Variants in KIF13B observed in about 807,000 individuals in gnomAD.
KIF13B encodes kinesin family member 13B, also known as kinesin-like protein KIF13B.
A neutral mutation model predicts 222.0 loss-of-function variants in KIF13B; 127 were observed. The ratio of observed to expected loss-of-function variants is 0.57; its 90% CI spans 0.50 to 0.66. KIF13B has a LOEUF of 0.66. Ranked by LOEUF, KIF13B falls within the 30% of genes least tolerant of loss-of-function variation. KIF13B has a pLI of 0.00. For missense variants in KIF13B, 2,173 were observed against 2,379.0 expected (o/e 0.91, Z 1.80); for synonymous variants, 976 against 919.0 (o/e 1.06, Z -1.12).
intron 2 of KIF13B, among the ~76,000 whole-genome samples, chr8:29,200,917 A>G (rs189371359): frequency 4.6e-5 from 7 of 152,286 alleles, no homozygotes; most frequent in Middle Eastern, 6.8e-3. Flanking sequence ...TTCTACCAAG[A>G]GTCATATGAG....
rs767617123 is a variant in KIF13B at position 29,110,098 on chromosome 8, A to G, written c.3931-28T>C. ...GAGCAGTGGAAAGTTATACATTATA[A>G]AAGCTTCTTGATGTACACACACACA... On this transcript the variant is annotated intron_variant, in intron 32 of 39. Coordinates refer to ENST00000524189, the MANE Select transcript of KIF13B (RefSeq NM_015254.4). The G allele has an allele frequency of 3.2e-6, 5 of 1,548,084 alleles. No homozygotes were observed. In the African/African-American group the frequency reaches 6.9e-5, roughly 21 times the overall value.
At chr8:29,074,762 T>C (rs186670059) in intron 38 of KIF13B, among the ~76,000 whole-genome samples, 67 of 152,374 alleles carry the variant, frequency 4.4e-4, no homozygotes, top group South Asian at 8.3e-4. Context: ...CCTCTGTTGC[T>C]GTTGTTTTAA....
At chr8:29,216,628 T>C (rs1395825990) in intron 2 of KIF13B, among the ~76,000 whole-genome samples, 2 of 150,386 alleles carry the variant, frequency 1.3e-5, no homozygotes, top group Non-Finnish European at 3.0e-5. Context: ...AAAAAAAAAA[T>C]ACAACTATGT....
At position 29,068,483 on chromosome 8, in the gene KIF13B, G is replaced by A. The variant is rs1807100336; in HGVS notation, c.*2021C>T. 1 of 152,060 alleles carries A rather than the reference G, an allele frequency of 6.6e-6. No individual in the cohort carries two copies. The highest frequency in any genetic ancestry group is 1.5e-5 in the Non-Finnish European group (1 of 68,104). 9.4% of individuals were successfully genotyped at this position (152,060 alleles called of 1,614,324 possible). On this transcript the variant is annotated 3_prime_UTR_variant, in exon 40 of 40. Coordinates refer to ENST00000524189, the MANE Select transcript of KIF13B (RefSeq NM_015254.4). This position sits in a 1 kb window ranked among gnomAD's most constrained non-coding sequence, Gnocchi z 4.4. ...GCCCAAATCCACCTGCTCAAGTCAG[G>A]AACTCTGGCTCGTTCTACTCCACTG... is the stretch of plus-strand genomic sequence containing the variant.
At chr8:29,195,454 C>CA (rs1028214965) in intron 3 of KIF13B, among the ~76,000 whole-genome samples, 1 of 152,092 alleles carries the variant, frequency 6.6e-6, no homozygotes, top group African/African-American at 2.4e-5. Context: ...CTTAAAAAGT[C>CA]AGAGTCCCAA....
chr8:29,104,378 C>T (rs1365612925), intron 35 of KIF13B, among the ~76,000 whole-genome samples: 1 of 152,164 alleles, frequency 6.6e-6, no homozygotes, highest in African/African-American at 2.4e-5. Context: ...CTGCAGGATT[C>T]TAGAGTACCC....
intron 2 of KIF13B, among the ~76,000 whole-genome samples, chr8:29,204,490 T>C (rs558225424): frequency 2.0e-4 from 31 of 152,324 alleles, no homozygotes; most frequent in African/African-American, 6.5e-4. Context: ...GGTGGGAGGA[T>C]TGCTTGAGTC....
Position 29,147,846 on chromosome 8 carries a change from A to AG in KIF13B, c.1814-245dup, listed in dbSNP as rs1226342374. On this transcript the variant is annotated intron_variant, in intron 16 of 39. Transcript: ENST00000524189. ...TATTATATGTTCTACACATAACCTA[A>AG]GACATGGCGAATCCTCCAGAAATAC... 2.6e-5 allele frequency among the ~76,000 whole-genome samples: 4 copies of AG among 152,212 alleles called. No individual in the cohort carries two copies. In the East Asian group the frequency reaches 7.7e-4, roughly 29 times the overall value.
At chr8:29,262,349 CA>C (rs1816708685) in intron 1 of KIF13B, among the ~76,000 whole-genome samples, 1 of 152,242 alleles carries the variant, frequency 6.6e-6, no homozygotes, top group South Asian at 2.1e-4. Context: ...AGACTTCAGG[CA>C]AAACCAAAAC....
chr8:29,176,134 C>T lies in KIF13B; in HGVS notation c.879G>A (p.Gln293=). The T allele has an allele frequency of 6.2e-7, 1 of 1,613,784 alleles. No individual in the cohort carries two copies. Among genetic ancestry groups the T allele is most frequent in the South Asian group, 1.1e-5 (1 of 91,050 alleles). Residue 293 remains glutamine, a synonymous_variant, in exon 10 of 40, where the codon CAG becomes CAA. Transcript: ENST00000524189. ...ATTTATTCTTGTTTTTGCCAGCACT[C>T]TGATCTGCAAGAGCTGAGATAACCA... The part of the protein sequence containing the change: ...LGLVISALAD[Q]SAGKNKNKFV...
At chr8:29,206,889 G>A (rs1813968606) in intron 2 of KIF13B, among the ~76,000 whole-genome samples, 1 of 152,196 alleles carries the variant, frequency 6.6e-6, no homozygotes, top group Non-Finnish European at 1.5e-5. Context: ...TGGTGGTCAA[G>A]AGAAGCCTTG....
chr8:29,132,474 C>T lies in KIF13B; in HGVS notation c.2785-9G>A. On this transcript the variant is annotated splice_polypyrimidine_tract_variant and intron_variant, in intron 22 of 39. Coordinates refer to ENST00000524189, the MANE Select transcript of KIF13B (RefSeq NM_015254.4). ...ATGTTAACAGAAAACTCCTGAAACACAACAGCTAATTACAGAAGAGCAAAC... is the reference window on the plus strand; with the variant it reads ...ATGTTAACAGAAAACTCCTGAAACATAACAGCTAATTACAGAAGAGCAAAC... 1 of 1,472,632 alleles carries T rather than the reference C, an allele frequency of 6.8e-7. No homozygotes were observed. The highest frequency in any genetic ancestry group is 1.4e-5 in the African/African-American group (1 of 69,672). The allele number at this position is 1,472,632 out of a possible 1,614,324, so 91.2% of individuals were successfully genotyped here.
intron 24 of KIF13B, among the ~76,000 whole-genome samples, 161 bp downstream of exon 24, chr8:29,130,372 T>A (rs988576556): frequency 5.9e-5 from 9 of 151,956 alleles, no homozygotes; most frequent in Admixed American, 2.6e-4. Context: ...GAAAAAAAAA[T>A]TTAATAGCAA....
chr8:29,176,186 G>A lies in KIF13B; in HGVS notation c.834-7C>T, dbSNP rs763859797. On this transcript the variant is annotated splice_polypyrimidine_tract_variant and splice_region_variant and intron_variant, in intron 9 of 39. Coordinates refer to ENST00000524189, the MANE Select transcript of KIF13B (RefSeq NM_015254.4). ...ACCGAGGGTTGTGAGGGACCTGCAT[G>A]GTGCAACAAACCAAAATAATTACAA... 1.4e-5 allele frequency: 21 copies of A among 1,546,680 alleles called. 1 individual carries two copies. In the South Asian group the frequency reaches 2.2e-4, roughly 16 times the overall value.
chr8:29,116,139 C>T (rs1239573435), intron 31 of KIF13B, among the ~76,000 whole-genome samples: 2 of 152,228 alleles, frequency 1.3e-5, no homozygotes, highest in African/African-American at 4.8e-5. Flanking sequence ...TCAAGTAATC[C>T]TGCTGCCTCA....
rs1340442125 is a variant in KIF13B, at chr8:29,130,678, C to A, written c.2943-13G>T. 6.2e-7 allele frequency: 1 copy of A among 1,613,400 alleles called. No individual in the cohort carries two copies. The highest frequency in any genetic ancestry group is 1.3e-5 in the African/African-American group (1 of 75,000). On this transcript the variant is annotated splice_polypyrimidine_tract_variant and intron_variant, in intron 23 of 39. Coordinates refer to ENST00000524189, the MANE Select transcript of KIF13B (RefSeq NM_015254.4). ...CACTTCACTCCATCTAGGAAATAAG[C>A]GAAGTTCTTGGAAAATCATACATTT... is the stretch of plus-strand genomic sequence containing the variant.
In KIF13B at chr8:29,071,809, C is replaced by T. The variant is rs1214927565; in HGVS notation, c.5029G>A (p.Ala1677Thr). 1 of 1,544,882 alleles carries T rather than the reference C, an allele frequency of 6.5e-7. No homozygotes were observed. Among genetic ancestry groups the T allele is most frequent in the Non-Finnish European group, 8.7e-7 (1 of 1,146,148 alleles). The change falls in exon 39 of 40, where the codon GCG becomes ACG. Residue 1677 changes from alanine (A) to threonine (T), a missense_variant. This residue lies in a region of KIF13B where 693 missense variants were observed against 656.2 expected (regional missense o/e 1.06). Coordinates refer to ENST00000524189, the MANE Select transcript of KIF13B (RefSeq NM_015254.4). The surrounding 1 kb of genome is among the most constrained non-coding windows in gnomAD (Gnocchi z 4.9). ...PGCSPGAEGNAPAPGAGGQAL... is the reference protein window; with the variant it reads ...PGCSPGAEGNTPAPGAGGQAL... Reference sequence around the variant, plus strand: ...TGTCCCCCGGCGCCCGGGGCCGGCGCATTCCCCTCGGCCCCCGGGGAGCAG... The same window carrying T: ...TGTCCCCCGGCGCCCGGGGCCGGCGTATTCCCCTCGGCCCCCGGGGAGCAG...
chr8:29,071,547 T>A lies in KIF13B; in HGVS notation c.5218+73A>T, dbSNP rs1807274595. 1 of 1,374,430 alleles carries A rather than the reference T, an allele frequency of 7.3e-7. No individual in the cohort carries two copies. The highest frequency in any genetic ancestry group is 2.0e-5 in the Admixed American group (1 of 49,522). 85.1% of individuals were successfully genotyped at this position (1,374,430 alleles called of 1,614,324 possible). On this transcript the variant is annotated intron_variant, in intron 39 of 39. Coordinates refer to ENST00000524189, the MANE Select transcript of KIF13B (RefSeq NM_015254.4). The surrounding 1 kb of genome is among the most constrained non-coding windows in gnomAD (Gnocchi z 4.9). Reference sequence around the variant, plus strand: ...CCTCTCCTGCCCGGACCCTGTCCCCTCCCAGGCCGGCCACGTTCCTGCTTC... The same window carrying A: ...CCTCTCCTGCCCGGACCCTGTCCCCACCCAGGCCGGCCACGTTCCTGCTTC...
chr8:29,082,290 G>A (rs1256090065), intron 37 of KIF13B, among the ~76,000 whole-genome samples: 1 of 152,022 alleles, frequency 6.6e-6, no homozygotes, highest in Non-Finnish European at 1.5e-5. Flanking sequence ...CATTCACATG[G>A]TCTATAAGAC....
Sources: allele counts gnomAD v4.1 joint callset (sites outside exome capture counted in the v4.1 genomes callset), GRCh38; gene constraint gnomAD v4.1.1; regional missense constraint gnomAD v4.1.1; non-coding constraint Gnocchi (gnomAD v3.1); transcripts MANE v1.5; gene names NCBI Gene and HGNC (gene_info 2026-07-23, HGNC 2026-07-21).